The following ITGAX variants were observed in gnomAD, a reference collection of about 807,000 sequenced individuals.
The protein encoded by ITGAX is integrin subunit alpha X.
A neutral mutation model predicts 140.2 loss-of-function variants in ITGAX; 99 were observed. The observed-to-expected ratio is 0.71, with a 90% CI of 0.60 to 0.83. ITGAX has a LOEUF of 0.83. Ranked by LOEUF, ITGAX falls within the 40% of genes least tolerant of loss-of-function variation. ITGAX has a pLI of 0.00. For missense variants in ITGAX, 1,444 were observed against 1,482.0 expected (o/e 0.97, Z 0.42); for synonymous variants, 631 against 600.4 (o/e 1.05, Z -0.75).
Position 31,367,017 on chromosome 16 carries a change from T to C in ITGAX, c.1710+3643T>C, listed in dbSNP as rs188411628. 1.8e-3 allele frequency among the ~76,000 whole-genome samples: 280 copies of C among 152,310 alleles called. 1 individual carries two copies. Among genetic ancestry groups the C allele is most frequent in the African/African-American group, 6.3e-3 (264 of 41,588 alleles). Reference sequence around the variant, plus strand: ...AAGTGAAACAGCCTAATTGCTGATATGAAGGAAGTCTGAGTGATCTGGATA... The same window carrying C: ...AAGTGAAACAGCCTAATTGCTGATACGAAGGAAGTCTGAGTGATCTGGATA... On this transcript the variant is annotated intron_variant, in intron 14 of 29. Coordinates refer to ENST00000268296, the MANE Select transcript of ITGAX (RefSeq NM_000887.5).
At position 31,382,654 on chromosome 16, in the gene ITGAX, A is replaced by G. The variant is rs1314827390; in HGVS notation, c.*747A>G. The stretch of plus-strand genomic sequence containing the variant: ...CTTCATCGTGGGGCTCTCAGTTCCG[A>G]TTTCCCAGGCTGAATTGGGAGTGAG... On this transcript the variant is annotated 3_prime_UTR_variant, in exon 30 of 30. Coordinates refer to ENST00000268296, the MANE Select transcript of ITGAX (RefSeq NM_000887.5). 1 of 621,862 alleles carries G rather than the reference A, an allele frequency of 1.6e-6. No individual in the cohort carries two copies. Among genetic ancestry groups the G allele is most frequent in the Non-Finnish European group, 2.9e-6 (1 of 340,982 alleles). 38.5% of individuals were successfully genotyped at this position (621,862 alleles called of 1,614,324 possible).
At chr16:31,378,365 C>T (rs2081038434) in intron 23 of ITGAX, among the ~76,000 whole-genome samples, 1 of 152,230 alleles carries the variant, frequency 6.6e-6, no homozygotes, top group Admixed American at 6.5e-5. Flanking sequence ...GCCATGGCCC[C>T]TGCTCTCCTG....
At chr16:31,362,813 G>A (rs1213241367) in intron 12 of ITGAX, 60 bp downstream of exon 12, 1 of 1,609,526 alleles carries the variant, frequency 6.2e-7, no homozygotes, top group Non-Finnish European at 8.5e-7. Context: ...TGGGGCAGAG[G>A]AGAGGATGGA....
chr16:31,366,963 T>A (rs974795920), intron 14 of ITGAX, among the ~76,000 whole-genome samples: 1 of 152,192 alleles, frequency 6.6e-6, no homozygotes, highest in Non-Finnish European at 1.5e-5. Flanking sequence ...ATTAAGAGTG[T>A]TACTCCAGTG....
At chr16:31,361,707 C>T in intron 9 of ITGAX, 129 bp from the exon 10 acceptor site, 8 of 1,038,804 alleles carry the variant, frequency 7.7e-6, no homozygotes, top group Non-Finnish European at 1.5e-6. Flanking sequence ...AGGGCAGAGC[C>T]TGGTCCCTGT....
At position 31,382,584 on chromosome 16, in the gene ITGAX, C is replaced by A; in HGVS notation, c.*677C>A. On this transcript the variant is annotated 3_prime_UTR_variant, in exon 30 of 30. Coordinates refer to ENST00000268296, the MANE Select transcript of ITGAX (RefSeq NM_000887.5). ...CATGAGAGGCTCTGTGCCCCCATCA[C>A]CCTCGTTTCCAGTGAATTAGTGTCA... 3 of 745,976 alleles carry A rather than the reference C, an allele frequency of 4.0e-6. No homozygotes were observed. The highest frequency in any genetic ancestry group is 7.1e-6 in the Non-Finnish European group (3 of 425,004). The allele number at this position is 745,976 out of a possible 1,614,324, so 46.2% of individuals were successfully genotyped here.
At chr16:31,373,175 A>AC in intron 19 of ITGAX, 74 bp from the exon 20 acceptor site, 29 of 563,438 alleles carry the variant, frequency 5.1e-5, no homozygotes, top group Non-Finnish European at 7.8e-5. Flanking sequence ...ATCCCCACCC[A>AC]CCCCATTTTA....
chr16:31,375,594 G>A (rs186017570), intron 20 of ITGAX, among the ~76,000 whole-genome samples: 2 of 152,330 alleles, frequency 1.3e-5, no homozygotes, highest in East Asian at 3.9e-4. Flanking sequence ...AATGAAATAA[G>A]TGATTCCTTG....
In ITGAX at chr16:31,359,967, C is replaced by T. The variant is rs771349695; in HGVS notation, c.609C>T (p.Phe203=). 36 of 1,614,158 alleles carry T rather than the reference C, an allele frequency of 2.2e-5. No individual in the cohort carries two copies. The East Asian group carries it at 5.3e-4, about 24-fold the overall frequency. The change falls in exon 7 of 30, where the codon TTC becomes TTT. Residue 203 remains phenylalanine (F), a synonymous_variant. Coordinates refer to ENST00000268296, the MANE Select transcript of ITGAX (RefSeq NM_000887.5). ...FSNKFQTHFT[F]EEFRRSSNPL... ...ACAAATTCCAAACACACTTCACTTT[C>T]GAGGAATTCAGGCGCAGCTCAAACC...
In ITGAX at chr16:31,372,583, G is replaced by A; in HGVS notation, c.2293-14G>A. The A allele has an allele frequency of 6.2e-7, 1 of 1,614,132 alleles. No homozygotes were observed. Among genetic ancestry groups the A allele is most frequent in the Non-Finnish European group, 8.5e-7 (1 of 1,179,976 alleles). ...TGGGTCTCGGAGAAAACCCCCCGTTGCCTTCCCACGCAGCTACCCTTTGAG... is the reference window on the plus strand; with the variant it reads ...TGGGTCTCGGAGAAAACCCCCCGTTACCTTCCCACGCAGCTACCCTTTGAG... On this transcript the variant is annotated splice_polypyrimidine_tract_variant and intron_variant, in intron 18 of 29. Coordinates refer to ENST00000268296, the MANE Select transcript of ITGAX (RefSeq NM_000887.5).
In ITGAX at chr16:31,382,347, G is replaced by C. The variant is rs779609017; in HGVS notation, c.*440G>C. On this transcript the variant is annotated 3_prime_UTR_variant, in exon 30 of 30. Transcript: ENST00000268296. ...TGCAACCTCCGCCTCCCGGGTTCAA[G>C]TAATTCTGCTGTCTCAGCCTCCTGA... The C allele has an allele frequency of 2.6e-5, 33 of 1,265,140 alleles. No homozygotes were observed. Among genetic ancestry groups the C allele is most frequent in the African/African-American group, 4.5e-5 (3 of 65,948 alleles). The allele number at this position is 1,265,140 out of a possible 1,614,324, so 78.4% of individuals were successfully genotyped here. A position where few individuals can be genotyped will look rare whatever the true frequency, so the allele number is the denominator to read the frequency against.
Position 31,377,051 on chromosome 16 carries a change from C to T in ITGAX, c.2677C>T (p.Arg893Trp), listed in dbSNP as rs200290467. The change falls in exon 22 of 30, where the codon CGG becomes TGG. Residue 893 changes from arginine to tryptophan, a missense_variant. Physicochemically the swap from Arg to Trp is moderately radical, Grantham distance 101 (BLOSUM62 -3). Coordinates refer to ENST00000268296, the MANE Select transcript of ITGAX (RefSeq NM_000887.5). ...CTCCCCCAAGGCTGTCCTGGGAGAC[C>T]GGCTGCTTCTGACAGCCAATGTGAG... ...DVSPKAVLGD[R>W]LLLTANVSSE... 1.7e-5 allele frequency: 27 copies of T among 1,614,206 alleles called. No homozygotes were observed. In the African/African-American group the frequency reaches 1.7e-4, roughly 10 times the overall value.
chr16:31,375,604 G>T (rs934374558), intron 20 of ITGAX, among the ~76,000 whole-genome samples: 8 of 152,128 alleles, frequency 5.3e-5, no homozygotes, highest in Admixed American at 2.6e-4. Context: ...GTGATTCCTT[G>T]GTATTAAGAT....
chr16:31,379,916 T>A (rs1311518324), intron 25 of ITGAX, 52 bp downstream of exon 25: 1 of 1,608,880 alleles, frequency 6.2e-7, no homozygotes, highest in South Asian at 1.1e-5. Flanking sequence ...CTACCTGGAT[T>A]CCTTGTGCCC....
rs775534364 is a variant in ITGAX at position 31,371,090 on chromosome 16, G to A, written c.1717G>A (p.Ala573Thr). ...SISPSHSQRI[A>T]GSQLSSRLQY... ...CCTTCTCTCCTCTGGCCAGCGGATC[G>A]CGGGCTCCCAGCTCTCCTCCAGGCT... is the stretch of plus-strand genomic sequence containing the variant. The change falls in exon 15 of 30, where the codon GCG becomes ACG. Residue 573 changes from alanine (A) to threonine (T), a missense_variant. Coordinates refer to ENST00000268296, the MANE Select transcript of ITGAX (RefSeq NM_000887.5). 15 of 1,613,816 alleles carry A rather than the reference G, an allele frequency of 9.3e-6. No homozygotes were observed. Among genetic ancestry groups the A allele is most frequent in the African/African-American group, 4.0e-5 (3 of 74,892 alleles).
At chr16:31,360,562 C>A in intron 8 of ITGAX, 99 bp downstream of exon 8, 3 of 1,182,744 alleles carry the variant, frequency 2.5e-6, no homozygotes, top group Non-Finnish European at 3.6e-6. Context: ...GGGTCTTGCT[C>A]TATCACCCAG....
At position 31,360,484 on chromosome 16, in the gene ITGAX, C is replaced by T. The variant is rs761399642; in HGVS notation, c.861+21C>T. ...TTGGGGTAGGGCGTGGGATGGCTTC[C>T]CACTTCTCCCACGGCTTCCTCTCAG... is the stretch of plus-strand genomic sequence containing the variant. On this transcript the variant is annotated intron_variant, in intron 8 of 29. Coordinates refer to ENST00000268296, the MANE Select transcript of ITGAX (RefSeq NM_000887.5). The T allele has an allele frequency of 1.2e-5, 19 of 1,581,398 alleles. No homozygotes were observed. In the South Asian group the frequency reaches 2.2e-4, roughly 18 times the overall value.
intron 14 of ITGAX, among the ~76,000 whole-genome samples, chr16:31,367,108 C>T (rs1411865618): frequency 6.6e-6 from 1 of 152,186 alleles, no homozygotes; most frequent in East Asian, 1.9e-4. Context: ...TCCGAATGCT[C>T]TTCAGTTCTA....
intron 17 of ITGAX, among the ~76,000 whole-genome samples, chr16:31,372,169 G>GC (rs1555477547): frequency 4.0e-5 from 6 of 150,704 alleles, no homozygotes; most frequent in Admixed American, 6.6e-5. Flanking sequence ...GAGGTCTGGG[G>GC]GGGGGGAGGA....
Sources: allele counts gnomAD v4.1 joint callset (sites outside exome capture counted in the v4.1 genomes callset), GRCh38; gene constraint gnomAD v4.1.1; transcripts MANE v1.5; gene names NCBI Gene and HGNC (gene_info 2026-07-23, HGNC 2026-07-21).